Variants in PGM5 observed in about 807,000 individuals in gnomAD.
The protein encoded by PGM5 is phosphoglucomutase 5.
A neutral mutation model predicts 59.2 loss-of-function variants in PGM5; 23 were observed. The observed-to-expected ratio is 0.39, with a 90% CI of 0.28 to 0.55. PGM5 has a LOEUF of 0.55. Ranked by LOEUF, PGM5 falls within the 20% of genes least tolerant of loss-of-function variation. The probability of loss-of-function intolerance (pLI) is 0.66; values close to 1 mark genes in which losing one functional copy is unlikely to be tolerated. For missense variants in PGM5, 574 were observed against 748.3 expected, an observed-to-expected ratio of 0.77 and a Z score of 2.72; for synonymous variants, 214 against 286.0, an observed-to-expected ratio of 0.75 and a Z score of 2.54.
intron 6 of PGM5, chr9:68,396,450 A>G (rs1554679986): frequency 6.6e-6 from 1 of 152,186 alleles, no homozygotes; most frequent in East Asian, 1.9e-4. Context: ...TTCTGACAAC[A>G]AAAACCATTT....
At chr9:68,419,878 A>G (rs80208757) in intron 6 of PGM5, among the ~76,000 whole-genome samples, 2,421 of 152,256 alleles carry the variant, frequency 0.016, 67 homozygotes, top group African/African-American at 0.055. Flanking sequence ...TCCATTCTAC[A>G]GAGTGTTAAT....
chr9:68,404,108 A>G (rs1822742985), intron 6 of PGM5, among the ~76,000 whole-genome samples: 1 of 152,042 alleles, frequency 6.6e-6, no homozygotes, highest in Admixed American at 6.6e-5. Context: ...AGCAGGTATG[A>G]TTCCTTCTAG....
intron 6 of PGM5, among the ~76,000 whole-genome samples, chr9:68,415,056 T>A (rs1467163002): frequency 1.3e-5 from 2 of 149,260 alleles, no homozygotes; most frequent in Non-Finnish European, 2.9e-5. Flanking sequence ...CACCATGTTA[T>A]GTGCTGGGAC....
intron 1 of PGM5, among the ~76,000 whole-genome samples, chr9:68,362,702 A>G (rs1401082391): frequency 1.3e-5 from 2 of 152,102 alleles, no homozygotes; most frequent in Admixed American, 1.3e-4. Flanking sequence ...ATACAACACA[A>G]TGACTACAGG....
intron 7 of PGM5, among the ~76,000 whole-genome samples, chr9:68,472,292 A>G (rs1824031900): frequency 6.6e-6 from 1 of 152,216 alleles, no homozygotes; most frequent in Non-Finnish European, 1.5e-5. Flanking sequence ...TGCTGGCTTC[A>G]CAGTGTCTGC....
intron 5 of PGM5, among the ~76,000 whole-genome samples, 164 bp from the exon 6 acceptor site, chr9:68,392,155 G>A (rs1217949143): frequency 6.6e-6 from 1 of 152,154 alleles, no homozygotes; most frequent in Non-Finnish European, 1.5e-5. Context: ...CTGGGCCCTT[G>A]GTACTCAGAG....
rs1385551322 is a variant in PGM5 at position 68,357,113 on chromosome 9, C to T, written c.-15C>T. ...CCGGCTCCGGGAGCCGCAGCAGGAC[C>T]GGCCAGGAGGCGCCATGGAGGGGAG... On this transcript the variant is annotated 5_prime_UTR_variant, in exon 1 of 11. Transcript: ENST00000396396. 5 of 1,497,394 alleles carry T rather than the reference C, an allele frequency of 3.3e-6. No homozygotes were observed. The highest frequency in any genetic ancestry group is 5.0e-5 in the East Asian group (2 of 39,884). 92.8% of individuals were successfully genotyped at this position (1,497,394 alleles called of 1,614,324 possible).
intron 1 of PGM5, among the ~76,000 whole-genome samples, chr9:68,360,755 T>C (rs1834559856): frequency 6.6e-6 from 1 of 152,116 alleles, no homozygotes; most frequent in South Asian, 2.1e-4. Context: ...TGAAAGTATA[T>C]TAAAGAAAAT....
chr9:68,502,808 G>A (rs2309312), intron 10 of PGM5, among the ~76,000 whole-genome samples: 110,154 of 151,894 alleles, frequency 0.73, 40,507 homozygotes, highest in East Asian at 0.99. Context: ...TCCTGCCTCA[G>A]CCCCCCGAGT....
chr9:68,391,491 A>T, intron 4 of PGM5, 43 bp from the exon 5 acceptor site: 6 of 1,604,532 alleles, frequency 3.7e-6, no homozygotes, highest in Non-Finnish European at 4.3e-6. Flanking sequence ...CTCTGGGGAG[A>T]AGGTTCTGCA....
intron 10 of PGM5, 147 bp downstream of exon 10, chr9:68,499,508 C>A (rs1429912532): frequency 2.5e-6 from 2 of 791,828 alleles, no homozygotes; most frequent in Non-Finnish European, 2.0e-6. Context: ...CAACTCCAAG[C>A]AAGTTTAATT....
At chr9:68,518,108 C>T (rs1472637329) in intron 10 of PGM5, among the ~76,000 whole-genome samples, 1 of 152,194 alleles carries the variant, frequency 6.6e-6, no homozygotes, top group African/African-American at 2.4e-5. Flanking sequence ...GTGGCATTTT[C>T]GTGTGGCCAA....
intron 8 of PGM5, 72 bp downstream of exon 8, chr9:68,479,625 G>T: frequency 6.7e-7 from 1 of 1,490,676 alleles, no homozygotes; most frequent in Non-Finnish European, 9.1e-7. Context: ...TAAAACTGAT[G>T]GGCTAGAACC....
chr9:68,433,134 T>C (rs1233071431), intron 6 of PGM5, among the ~76,000 whole-genome samples: 1 of 152,196 alleles, frequency 6.6e-6, no homozygotes, highest in Non-Finnish European at 1.5e-5. Context: ...GAGTGTGCTT[T>C]CAAATTTTTA....
At chr9:68,366,958 A>G (rs1469637416) in intron 1 of PGM5, among the ~76,000 whole-genome samples, 1 of 152,160 alleles carries the variant, frequency 6.6e-6, no homozygotes, top group Non-Finnish European at 1.5e-5. Flanking sequence ...GCGCCTGCTG[A>G]TGTGGTGATC....
At chr9:68,482,415 G>GA (rs1824212957) in intron 8 of PGM5, among the ~76,000 whole-genome samples, 1 of 151,926 alleles carries the variant, frequency 6.6e-6, no homozygotes, top group South Asian at 2.1e-4. Flanking sequence ...CTGAGGCTGA[G>GA]AAAAAAACAC....
chr9:68,475,035 C>T (rs573591105), intron 7 of PGM5, among the ~76,000 whole-genome samples: 33 of 150,768 alleles, frequency 2.2e-4, no homozygotes, highest in African/African-American at 7.6e-4. Context: ...TTTTTTGAGA[C>T]GGAGTTTCAC....
intron 1 of PGM5, among the ~76,000 whole-genome samples, chr9:68,361,119 C>T (rs1219254978): frequency 7.2e-5 from 11 of 152,202 alleles, no homozygotes; most frequent in East Asian, 1.9e-4. Flanking sequence ...GGTCTTACTA[C>T]GTTGCCCAGG....
At chr9:68,468,475 G>T (rs1051681817) in intron 7 of PGM5, among the ~76,000 whole-genome samples, 1 of 152,150 alleles carries the variant, frequency 6.6e-6, no homozygotes, top group South Asian at 2.1e-4. Context: ...TCCAATTAAA[G>T]GGGTAAATAT....
Sources: gnomAD v4.1 joint callset for allele counts (sites outside exome capture counted in the v4.1 genomes callset) on GRCh38, gnomAD v4.1.1 for gene constraint, MANE v1.5 for transcripts, NCBI Gene and HGNC (gene_info 2026-07-23, HGNC 2026-07-21) for gene names.